OPA3: variants seen among roughly 807,000 people sequenced by gnomAD.
OPA3 encodes the protein outer mitochondrial membrane lipid metabolism regulator OPA3.
A neutral mutation model predicts 4.0 loss-of-function variants in OPA3; 6 were observed. That is an observed-to-expected ratio of 1.51 (90% CI 0.83 to 2.99). The LOEUF (loss-of-function observed/expected upper bound fraction) is 2.99. Among genes scored for constraint, OPA3 ranks in the 30% most tolerant of loss-of-function variants. The probability of loss-of-function intolerance (pLI) is 0.00; values close to 1 mark genes in which losing one functional copy is unlikely to be tolerated. For synonymous variants in OPA3, 105 were observed against 117.1 expected (o/e 0.90, Z 0.67); for missense variants, 235 against 256.2 (o/e 0.92, Z 0.56).
At position 45,550,372 on chromosome 19, in the gene OPA3, T is replaced by C; in HGVS notation, c.*3142A>G. The C allele has an allele frequency of 1.0e-6, 1 of 966,154 alleles. No homozygotes were observed. The highest frequency in any genetic ancestry group is 1.2e-6 in the Non-Finnish European group (1 of 825,078). The allele number at this position is 966,154 out of a possible 1,614,324, so 59.8% of individuals were successfully genotyped here. ...TGGAATGGTCACCCAGTTTACACAA[T>C]GCTATGATCTCTGGTGTGATCTGGG... is the stretch of plus-strand genomic sequence containing the variant. On this transcript the variant is annotated 3_prime_UTR_variant, in exon 2 of 2. Transcript: ENST00000263275.
Position 45,550,575 on chromosome 19 carries a change from C to A in OPA3, c.*2939G>T. ...ACTCTGCCCCTACTACTTCACCACC[C>A]TGGGCAGTCAGCCCCTCACTGGCTG... On this transcript the variant is annotated 3_prime_UTR_variant, in exon 2 of 2. Coordinates refer to ENST00000263275, the MANE Select transcript of OPA3 (RefSeq NM_025136.4). 1 of 986,268 alleles carries A rather than the reference C, an allele frequency of 1.0e-6. No individual in the cohort carries two copies. Among genetic ancestry groups the A allele is most frequent in the Non-Finnish European group, 1.2e-6 (1 of 830,538 alleles). The allele number at this position is 986,268 out of a possible 1,614,324, so 61.1% of individuals were successfully genotyped here.
chr19:45,565,266 T>C (rs1969565774), intron 1 of OPA3, among the ~76,000 whole-genome samples: 1 of 151,770 alleles, frequency 6.6e-6, no homozygotes, highest in African/African-American at 2.4e-5. Flanking sequence ...AACAAAATTT[T>C]CTCTTGGATT....
rs541801324 is a variant in OPA3 at position 45,556,755 on chromosome 19, C to T, written c.143-2844G>A. On this transcript the variant is annotated intron_variant, in intron 1 of 1. Transcript: ENST00000263275. ...AGACCTGAGGTGCAAGCTTAGGGCC[C>T]GAGAAGTCACTGTCACTGTCACTGT... Among the ~76,000 whole-genome samples, 87 of 152,278 alleles carry T rather than the reference C, an allele frequency of 5.7e-4. 1 individual carries two copies. In the Middle Eastern group the frequency reaches 0.01, roughly 18 times the overall value.
At position 45,559,587 on chromosome 19, in the gene OPA3, G is replaced by A. The variant is rs539646514; in HGVS notation, c.143-5676C>T. 2.2e-3 allele frequency among the ~76,000 whole-genome samples: 339 copies of A among 151,464 alleles called. 4 individuals are homozygous for A. Among genetic ancestry groups the A allele is most frequent in the African/African-American group, 7.9e-3 (328 of 41,290 alleles). ...TGGCTAATTTTTGTATATTTTGGTA[G>A]AGACAGGGTTTCACCATGTTGACCA... On this transcript the variant is annotated intron_variant, in intron 1 of 1. Coordinates refer to ENST00000263275, the MANE Select transcript of OPA3 (RefSeq NM_025136.4).
chr19:45,544,427 A>C (rs530000254), downstream of OPA3, among the ~76,000 whole-genome samples: 1 of 152,316 alleles, frequency 6.6e-6, no homozygotes, highest in African/African-American at 2.4e-5. Flanking sequence ...TGGGACGGCA[A>C]GGCAGGCAGA....
chr19:45,532,053 G>T (rs1218673406), intron 1 of OPA3, among the ~76,000 whole-genome samples: 4 of 152,192 alleles, frequency 2.6e-5, no homozygotes, highest in Admixed American at 6.5e-5. Context: ...GATTTATGGT[G>T]GGGGCTTTGG....
rs1420983395 is a variant in OPA3, at chr19:45,572,598, GATATATATC to G, written c.142+12016_142+12024del. ...ATATATGTATATAAATATATATATT[GATATATATC>G]ATATATATCATGATATATGTATATA... On this transcript the variant is annotated intron_variant, in intron 1 of 1. Coordinates refer to ENST00000263275, the MANE Select transcript of OPA3 (RefSeq NM_025136.4). Among the ~76,000 whole-genome samples the G allele has an allele frequency of 9.8e-3, 920 of 94,094 alleles. 16 individuals are homozygous for G. The highest frequency in any genetic ancestry group is 0.028 in the African/African-American group (848 of 30,090). The allele number at this position is 94,094 out of a possible 152,430, so 61.7% of individuals were successfully genotyped here. A position where few individuals can be genotyped will look rare whatever the true frequency, so the allele number is the denominator to read the frequency against.
At chr19:45,539,746 C>A (rs1290132176) in intron 1 of OPA3, among the ~76,000 whole-genome samples, 1 of 149,614 alleles carries the variant, frequency 6.7e-6, no homozygotes, top group African/African-American at 2.5e-5. Context: ...AGAGCCAGAC[C>A]TTGTCTCAAA....
chr19:45,568,125 A>T (rs1969610185), intron 1 of OPA3, among the ~76,000 whole-genome samples: 1 of 152,090 alleles, frequency 6.6e-6, no homozygotes, highest in South Asian at 2.1e-4. Context: ...TAGCCTCCCA[A>T]AATGCTGGTA....
intron 1 of OPA3, among the ~76,000 whole-genome samples, chr19:45,560,880 G>A (rs1969491917): frequency 1.3e-5 from 2 of 152,170 alleles, no homozygotes; most frequent in South Asian, 2.1e-4. Context: ...ACCCACTGAG[G>A]CAAGTAAAGT....
intron 1 of OPA3, 33 bp downstream of exon 1, chr19:45,584,589 GA>G: frequency 6.2e-7 from 1 of 1,614,112 alleles, no homozygotes; most frequent in Non-Finnish European, 8.5e-7. Flanking sequence ...TTGGAGAAAG[GA>G]AAAAGGTTGG....
rs1010241697 is a variant in OPA3, at chr19:45,549,521, C to G, written c.*3993G>C. ...TTTTGAGTTGAGTCTCACTCTGTCA[C>G]CCAGGCTGGAGTGCAGTGGCGCGAT... On this transcript the variant is annotated 3_prime_UTR_variant, in exon 2 of 2. Transcript: ENST00000263275. The G allele has an allele frequency of 4.1e-6, 4 of 980,178 alleles. No individual in the cohort carries two copies. In the African/African-American group the frequency reaches 7.0e-5, roughly 17 times the overall value. The allele number at this position is 980,178 out of a possible 1,614,324, so 60.7% of individuals were successfully genotyped here. A position where few individuals can be genotyped will look rare whatever the true frequency, so the allele number is the denominator to read the frequency against.
rs922923771 is a variant in OPA3 at position 45,547,319 on chromosome 19, T to C, written c.*6195A>G. ...GCCAGAGAGTACGAGAGCCCTAGGATCTCTGTGCAAATACTCAGCTCTGTC... is the reference window on the plus strand; with the variant it reads ...GCCAGAGAGTACGAGAGCCCTAGGACCTCTGTGCAAATACTCAGCTCTGTC... On this transcript the variant is annotated 3_prime_UTR_variant, in exon 2 of 2. Coordinates refer to ENST00000263275, the MANE Select transcript of OPA3 (RefSeq NM_025136.4). 3 of 152,160 alleles carry C rather than the reference T, an allele frequency of 2.0e-5. No individual in the cohort carries two copies. Among genetic ancestry groups the C allele is most frequent in the African/African-American group, 4.8e-5 (2 of 41,424 alleles). The allele number at this position is 152,160 out of a possible 1,614,324, so 9.4% of individuals were successfully genotyped here. A position where few individuals can be genotyped will look rare whatever the true frequency, so the allele number is the denominator to read the frequency against.
At chr19:45,533,080 G>C (rs1291876352) in intron 1 of OPA3, among the ~76,000 whole-genome samples, 1 of 149,726 alleles carries the variant, frequency 6.7e-6, no homozygotes, top group African/African-American at 2.5e-5. Context: ...TAGTAGAGAT[G>C]GGGTTTCACC....
exon 2 of OPA3, chr19:45,527,735 G>T (rs2122363146): frequency 6.6e-6 from 1 of 152,220 alleles, no homozygotes; most frequent in Admixed American, 6.6e-5. Flanking sequence ...ATGACATTTT[G>T]CAGACGCACA....
At chr19:45,536,074 A>T (rs1386024662) in intron 1 of OPA3, among the ~76,000 whole-genome samples, 2 of 150,952 alleles carry the variant, frequency 1.3e-5, no homozygotes, top group South Asian at 4.2e-4. Context: ...TGAAAAAATT[A>T]AAAAATTAGC....
chr19:45,548,848 G>A lies in OPA3; in HGVS notation c.*4666C>T. 3 of 616,134 alleles carry A rather than the reference G, an allele frequency of 4.9e-6. No homozygotes were observed. The highest frequency in any genetic ancestry group is 6.1e-6 in the Non-Finnish European group (3 of 493,338). The allele number at this position is 616,134 out of a possible 1,614,324, so 38.2% of individuals were successfully genotyped here. On this transcript the variant is annotated 3_prime_UTR_variant, in exon 2 of 2. Transcript: ENST00000263275. ...AGATGAAGTCTCGCTCTGTCACCCA[G>A]GCTGGAGTATAATGGCATGATCTCG...
intron 1 of OPA3, among the ~76,000 whole-genome samples, chr19:45,583,605 G>T (rs553087997): frequency 6.6e-6 from 1 of 151,686 alleles, no homozygotes; most frequent in Admixed American, 6.6e-5. Flanking sequence ...AGGTTCAAGC[G>T]ATTCCCCTGC....
chr19:45,545,179 CA>C (rs796765113), downstream of OPA3, among the ~76,000 whole-genome samples: 1 of 124,900 alleles, frequency 8.0e-6, no homozygotes, highest in Non-Finnish European at 1.6e-5. Flanking sequence ...AAAAAAAAAA[CA>C]AAAAAACAAA....
Sources: gnomAD v4.1 joint callset for allele counts (sites outside exome capture counted in the v4.1 genomes callset) on GRCh38, gnomAD v4.1.1 for gene constraint, MANE v1.5 for transcripts, NCBI Gene and HGNC (gene_info 2026-07-23, HGNC 2026-07-21) for gene names.